ZC3HC1: variants seen among roughly 807,000 people sequenced by gnomAD.
ZC3HC1 encodes zinc finger C3HC-type containing 1.
Under a neutral mutation model 61.9 loss-of-function variants are expected in ZC3HC1, and 38 were observed. The ratio of observed to expected loss-of-function variants is 0.61; its 90% confidence interval spans 0.47 to 0.81. The LOEUF is 0.81. ZC3HC1 is among the 30% of genes least tolerant of loss of function. The probability of loss-of-function intolerance (pLI) is 0.00; values close to 1 mark genes in which losing one functional copy is unlikely to be tolerated. For missense variants in ZC3HC1, 554 were observed against 622.7 expected, an observed-to-expected ratio of 0.89 and a Z score of 1.17; for synonymous variants, 213 against 229.9, an observed-to-expected ratio of 0.93 and a Z score of 0.67.
intron 4 of ZC3HC1, among the ~76,000 whole-genome samples, chr7:130,032,622 GGAGA>G (rs112047372): frequency 6.8e-5 from 10 of 147,436 alleles, no homozygotes; most frequent in East Asian, 2.0e-4. Flanking sequence ...CTGTAGCCTG[GGAGA>G]GAGAGAGAGA....
intron 7 of ZC3HC1, 136 bp downstream of exon 7, chr7:130,024,127 A>C: frequency 7.8e-7 from 1 of 1,288,202 alleles, no homozygotes; most frequent in Non-Finnish European, 1.1e-6. Flanking sequence ...TAGTGAACAG[A>C]AACACTATGT....
intron 1 of ZC3HC1, chr7:130,050,333 T>C: frequency 4.1e-6 from 5 of 1,210,830 alleles, no homozygotes; most frequent in Non-Finnish European, 5.7e-6. Flanking sequence ...CGCTTCAGCC[T>C]CCTCAAAGTG....
At position 130,024,344 on chromosome 7, in the gene ZC3HC1, C is replaced by T. The variant is rs758678599; in HGVS notation, c.939G>A (p.Glu313=). The change falls in exon 7 of 10, where the codon GAG becomes GAA. Residue 313 remains glutamate, a synonymous_variant. Coordinates refer to ENST00000358303, the MANE Select transcript of ZC3HC1 (RefSeq NM_016478.5). Reference sequence around the variant, plus strand: ...GAGATTCAGGCACCAGAGGTAAGCGCTCTGGTCGCCCCTCAAGGCCTGGGA... The same window carrying T: ...GAGATTCAGGCACCAGAGGTAAGCGTTCTGGTCGCCCCTCAAGGCCTGGGA... ...SPIPGLEGRP[E]RLPLVPESPR... is the part of the protein sequence containing the mutation. The T allele has an allele frequency of 2.5e-6, 4 of 1,614,150 alleles. 1 individual carries two copies. The South Asian group carries it at 4.4e-5, about 18-fold the overall frequency.
At chr7:130,049,508 C>T (rs1261642182) in intron 1 of ZC3HC1, among the ~76,000 whole-genome samples, 1 of 151,868 alleles carries the variant, frequency 6.6e-6, no homozygotes, top group African/African-American at 2.4e-5. Context: ...CTCAAGACTT[C>T]AAGTATGCAT....
intron 4 of ZC3HC1, among the ~76,000 whole-genome samples, chr7:130,029,284 G>C (rs1794073659): frequency 6.6e-6 from 1 of 152,128 alleles, no homozygotes; most frequent in Admixed American, 6.6e-5. Context: ...TAAGACAGGA[G>C]AATCACTTGA....
intron 4 of ZC3HC1, among the ~76,000 whole-genome samples, chr7:130,029,528 T>C (rs1794083036): frequency 1.3e-5 from 2 of 152,182 alleles, no homozygotes; most frequent in Admixed American, 6.6e-5. Context: ...GTTTAAAAAG[T>C]AGAATCCATA....
At chr7:130,050,654 T>C (rs889311106) in intron 1 of ZC3HC1, among the ~76,000 whole-genome samples, 1 of 152,242 alleles carries the variant, frequency 6.6e-6, no homozygotes, top group East Asian at 1.9e-4. Flanking sequence ...GGAAATAATG[T>C]TCCCACATTA....
At chr7:130,021,575 T>A (rs1160242574) in intron 9 of ZC3HC1, among the ~76,000 whole-genome samples, 1 of 152,178 alleles carries the variant, frequency 6.6e-6, no homozygotes, top group Non-Finnish European at 1.5e-5. Flanking sequence ...TAAAGTAATG[T>A]GCCCAGCGTG....
chr7:130,030,567 AC>A (rs1794136380), intron 4 of ZC3HC1, among the ~76,000 whole-genome samples: 1 of 152,030 alleles, frequency 6.6e-6, no homozygotes. Context: ...TGAAGAGAGA[AC>A]ATGTCATCCT....
At position 130,020,281 on chromosome 7, in the gene ZC3HC1, T is replaced by C. The variant is rs555196691; in HGVS notation, c.1441-1549A>G. ...AATAGTATACACTTTTTTCTTTTTTTTTTTTTTTTGAAAGGGAGTCTCACT... is the reference window on the plus strand; with the variant it reads ...AATAGTATACACTTTTTTCTTTTTTCTTTTTTTTTGAAAGGGAGTCTCACT... On this transcript the variant is annotated intron_variant, in intron 9 of 9. Coordinates refer to ENST00000358303, the MANE Select transcript of ZC3HC1 (RefSeq NM_016478.5). Among the ~76,000 whole-genome samples the C allele has an allele frequency of 2.6e-5, 4 of 151,624 alleles. No individual in the cohort carries two copies. The South Asian group carries it at 6.3e-4, about 24-fold the overall frequency.
chr7:130,019,839 A>G (rs74433783), intron 9 of ZC3HC1, among the ~76,000 whole-genome samples: 3,242 of 108,996 alleles, frequency 0.03, 143 homozygotes, highest in African/African-American at 0.11. Flanking sequence ...TTTTTTTGAG[A>G]CAGGTCTCGC....
At chr7:130,043,040 C>T (rs949458942) in intron 2 of ZC3HC1, among the ~76,000 whole-genome samples, 1 of 152,076 alleles carries the variant, frequency 6.6e-6, no homozygotes, top group African/African-American at 2.4e-5. Context: ...CTTTGGGAGG[C>T]TGAGACGGGC....
At chr7:130,041,154 A>ATATG in intron 2 of ZC3HC1, 53 bp from the exon 3 acceptor site, 2 of 1,206,996 alleles carry the variant, frequency 1.7e-6, no homozygotes, top group Non-Finnish European at 2.3e-6. Context: ...ATGTGTGTGT[A>ATATG]TGTGTGTGTG....
intron 2 of ZC3HC1, among the ~76,000 whole-genome samples, chr7:130,045,703 A>G (rs1794836790): frequency 6.6e-6 from 1 of 151,860 alleles, no homozygotes; most frequent in Admixed American, 6.6e-5. Flanking sequence ...GGAGTTTGAG[A>G]CCAGCCTGGC....
intron 9 of ZC3HC1, among the ~76,000 whole-genome samples, chr7:130,020,093 G>A (rs1345212755): frequency 6.6e-6 from 1 of 151,918 alleles, no homozygotes. Flanking sequence ...GGGATTACAG[G>A]CGTGAGCCAC....
chr7:130,029,871 C>T (rs1347489050), intron 4 of ZC3HC1, among the ~76,000 whole-genome samples: 1 of 152,002 alleles, frequency 6.6e-6, no homozygotes, highest in Non-Finnish European at 1.5e-5. Flanking sequence ...ATGGCATGTT[C>T]CTAAAGTCTA....
chr7:130,023,831 G>A lies in ZC3HC1; in HGVS notation c.1021-108C>T, dbSNP rs370714559. Reference sequence around the variant, plus strand: ...CTTTTTTTTTTTGAGACAGAGTCTCGCTTTGTTGCCAAGGCTGGAGAGCAG... The same window carrying A: ...CTTTTTTTTTTTGAGACAGAGTCTCACTTTGTTGCCAAGGCTGGAGAGCAG... On this transcript the variant is annotated intron_variant, in intron 7 of 9. Coordinates refer to ENST00000358303, the MANE Select transcript of ZC3HC1 (RefSeq NM_016478.5). The surrounding 1 kb of genome is among the most constrained non-coding windows in gnomAD (Gnocchi z 4.2). The A allele has an allele frequency of 2.9e-6, 3 of 1,036,902 alleles. No individual in the cohort carries two copies. The highest frequency in any genetic ancestry group is 1.7e-5 in the South Asian group (1 of 57,884). The allele number at this position is 1,036,902 out of a possible 1,614,324, so 64.2% of individuals were successfully genotyped here. A position where few individuals can be genotyped will look rare whatever the true frequency, so the allele number is the denominator to read the frequency against.
chr7:130,018,345 C>G lies in ZC3HC1; in HGVS notation c.*319G>C, dbSNP rs747298590. 1 of 271,868 alleles carries G rather than the reference C, an allele frequency of 3.7e-6. No homozygotes were observed. Among genetic ancestry groups the G allele is most frequent in the Non-Finnish European group, 6.9e-6 (1 of 144,736 alleles). The allele number at this position is 271,868 out of a possible 1,614,324, so 16.8% of individuals were successfully genotyped here. On this transcript the variant is annotated 3_prime_UTR_variant, in exon 10 of 10. Transcript: ENST00000358303. ...TGTCATAGTCCTAGGATAGAAGAGTCCTCAGAACACTGCTCCACATTGAAG... is the reference window on the plus strand; with the variant it reads ...TGTCATAGTCCTAGGATAGAAGAGTGCTCAGAACACTGCTCCACATTGAAG...
intron 2 of ZC3HC1, among the ~76,000 whole-genome samples, chr7:130,042,008 T>C (rs779587527): frequency 2.0e-5 from 3 of 152,150 alleles, no homozygotes; most frequent in East Asian, 1.9e-4. Context: ...TTTATGTGTT[T>C]AAAATGTTTA....
Sources: allele counts gnomAD v4.1 joint callset (sites outside exome capture counted in the v4.1 genomes callset), GRCh38; gene constraint gnomAD v4.1.1; non-coding constraint Gnocchi (gnomAD v3.1); transcripts MANE v1.5; gene names NCBI Gene and HGNC (gene_info 2026-07-23, HGNC 2026-07-21).